The following PCDHGA1 variants were observed in gnomAD, a reference collection of about 807,000 sequenced individuals.
PCDHGA1 encodes protocadherin gamma subfamily A, 1.
In PCDHGA1, 32 loss-of-function variants were observed where a neutral mutation model predicts 58.0. That is an observed-to-expected ratio of 0.55 (90% CI 0.42 to 0.74). The LOEUF is 0.74. Ranked by LOEUF, PCDHGA1 falls within the 30% of genes least tolerant of loss-of-function variation. The pLI is 0.00. For synonymous variants in PCDHGA1, 498 were observed against 501.1 expected, an observed-to-expected ratio of 0.99 and a Z score of 0.08; for missense variants, 1,205 against 1,182.3, an observed-to-expected ratio of 1.02 and a Z score of -0.28.
chr5:141,423,883 A>G, intron 1 of PCDHGA1: 2 of 1,283,462 alleles, frequency 1.6e-6, no homozygotes, highest in Non-Finnish European at 2.0e-6. Context: ...CAATCTTGGC[A>G]TATTTTCTTT....
chr5:141,395,157 C>G, intron 1 of PCDHGA1: 2 of 1,614,174 alleles, frequency 1.2e-6, no homozygotes, highest in Non-Finnish European at 1.7e-6. Context: ...GCTCATCAGT[C>G]AGGAGGGCTG....
chr5:141,404,466 T>C lies in PCDHGA1; in HGVS notation c.2421+71361T>C, dbSNP rs536211455. ...CAAGGGTCTCCTCTCTCCACCTATG[T>C]CTCTATTAACTCAGACACTGGTGTG... On this transcript the variant is annotated intron_variant, in intron 1 of 3. Transcript: ENST00000517417. 28 of 1,613,558 alleles carry C rather than the reference T, an allele frequency of 1.7e-5. No individual in the cohort carries two copies. Among genetic ancestry groups the C allele is most frequent in the East Asian group, 2.2e-5 (1 of 44,882 alleles).
chr5:141,511,144 A>C lies in PCDHGA1; in HGVS notation c.2767A>C (p.Lys923Gln). 2 of 1,614,202 alleles carry C rather than the reference A, an allele frequency of 1.2e-6. No homozygotes were observed. The highest frequency in any genetic ancestry group is 1.7e-6 in the Non-Finnish European group (2 of 1,180,016). The change falls in exon 4 of 4, where the codon AAG becomes CAG. Residue 923 changes from lysine to glutamine, a missense_variant. By Grantham distance (53) the Lys-to-Gln change is moderately conservative. Transcript: ENST00000517417. Reference sequence around the variant, plus strand: ...CCCAGCAGGTGGCAATGGCAACAAGAAGAAGTCGGGCAAGAAGGAGAAGAA... The same window carrying C: ...CCCAGCAGGTGGCAATGGCAACAAGCAGAAGTCGGGCAAGAAGGAGAAGAA... ...KAPAGGNGNK[K>Q]KSGKKEKK
intron 1 of PCDHGA1, chr5:141,355,210 C>T (rs766513071): frequency 1.9e-6 from 3 of 1,599,774 alleles, no homozygotes; most frequent in Non-Finnish European, 2.6e-6. Flanking sequence ...AATGGCGGCG[C>T]CTCCTGCTCG....
chr5:141,488,681 C>G, intron 1 of PCDHGA1, among the ~76,000 whole-genome samples: 1 of 152,204 alleles, frequency 6.6e-6, no homozygotes, highest in East Asian at 1.9e-4. Flanking sequence ...GGCTTTGCCT[C>G]TCCCAGAAGG....
intron 1 of PCDHGA1, chr5:141,360,018 A>T: frequency 3.3e-6 from 4 of 1,225,148 alleles, no homozygotes; most frequent in Non-Finnish European, 4.4e-6. Flanking sequence ...CACACAGAGA[A>T]GGCCAGTATA....
At chr5:141,402,884 T>G in intron 1 of PCDHGA1, 1 of 1,481,582 alleles carries the variant, frequency 6.7e-7, no homozygotes, top group Non-Finnish European at 9.0e-7. Flanking sequence ...CTTTGCAGGG[T>G]GGAAGAAAGA....
chr5:141,495,412 G>A lies in PCDHGA1; in HGVS notation c.2480+547G>A, dbSNP rs188302135. 2.2e-4 allele frequency among the ~76,000 whole-genome samples: 33 copies of A among 152,284 alleles called. No homozygotes were observed. The East Asian group carries it at 6.4e-3, about 29-fold the overall frequency. ...GGCATGGAGCAGGCCCCCTTCTCCG[G>A]CCCCTCCTCCCACTGTCCTCTGCCC... On this transcript the variant is annotated intron_variant, in intron 2 of 3. Coordinates refer to ENST00000517417, the MANE Select transcript of PCDHGA1 (RefSeq NM_018912.3).
intron 1 of PCDHGA1, among the ~76,000 whole-genome samples, chr5:141,492,226 C>T (rs1365682179): frequency 6.6e-6 from 1 of 152,178 alleles, no homozygotes; most frequent in Non-Finnish European, 1.5e-5. Flanking sequence ...CATGCGTGTC[C>T]TCCCTGCTGG....
chr5:141,353,771 T>C, intron 1 of PCDHGA1, among the ~76,000 whole-genome samples: 1 of 152,240 alleles, frequency 6.6e-6, no homozygotes, highest in South Asian at 2.1e-4. Flanking sequence ...TTTTAATGCA[T>C]ACTGTCAAAT....
intron 1 of PCDHGA1, chr5:141,345,556 A>G: frequency 2.5e-6 from 4 of 1,613,938 alleles, no homozygotes; most frequent in East Asian, 2.2e-5. Context: ...GTCTCTATCA[A>G]CTCCAACACT....
intron 1 of PCDHGA1, chr5:141,427,830 C>G (rs749612858): frequency 7.8e-6 from 12 of 1,538,206 alleles, no homozygotes; most frequent in Non-Finnish European, 1.1e-5. Context: ...GGTCGCGCAG[C>G]GTGCCTTCGA....
chr5:141,422,563 G>A, intron 1 of PCDHGA1: 3 of 1,613,986 alleles, frequency 1.9e-6, no homozygotes, highest in African/African-American at 1.3e-5. Flanking sequence ...TGTGGCAGAT[G>A]ACAACGATAA....
chr5:141,509,839 T>C (rs1277859334), intron 3 of PCDHGA1, among the ~76,000 whole-genome samples: 4 of 152,162 alleles, frequency 2.6e-5, no homozygotes, highest in Non-Finnish European at 5.9e-5. Context: ...CTACCTCCCA[T>C]TCACTCAGAA....
Position 141,330,709 on chromosome 5 carries a change from G to GGCT in PCDHGA1, c.28_30dup (p.Cys10dup). 1 of 1,609,110 alleles carries GGCT rather than the reference G, an allele frequency of 6.2e-7. No individual in the cohort carries two copies. The highest frequency in any genetic ancestry group is 8.5e-7 in the Non-Finnish European group (1 of 1,176,260). ...CATGAAGATTCAGAAAAAGCTGACT[G>GGCT]GCTGCAGCAGGCTGATGCTTCTGTG... On this transcript the variant is annotated inframe_insertion, in exon 1 of 4. Transcript: ENST00000517417.
intron 1 of PCDHGA1, chr5:141,392,681 G>A (rs892273174): frequency 9.7e-7 from 1 of 1,026,496 alleles, no homozygotes; most frequent in Non-Finnish European, 1.4e-6. Context: ...CTGGACTGCA[G>A]CGAAACCCGA....
Position 141,485,955 on chromosome 5 carries a change from T to C in PCDHGA1, c.2422-8852T>C. 1 of 1,614,152 alleles carries C rather than the reference T, an allele frequency of 6.2e-7. No homozygotes were observed. Among genetic ancestry groups the C allele is most frequent in the Non-Finnish European group, 8.5e-7 (1 of 1,180,018 alleles). On this transcript the variant is annotated intron_variant, in intron 1 of 3. Transcript: ENST00000517417. This position sits in a 1 kb window ranked among gnomAD's most constrained non-coding sequence, Gnocchi z 5.7. ...GAGAGCGCACCAGCGGGCATGGTGC[T>C]CATCCAGCTCAATGCCTCAGACCCG...
chr5:141,335,843 A>C (rs1261411358), intron 1 of PCDHGA1, among the ~76,000 whole-genome samples: 1 of 152,186 alleles, frequency 6.6e-6, no homozygotes, highest in Non-Finnish European at 1.5e-5. Flanking sequence ...TTACATCTAC[A>C]CCCTTAAATA....
At chr5:141,390,271 C>A in intron 1 of PCDHGA1, 1 of 1,614,036 alleles carries the variant, frequency 6.2e-7, no homozygotes, top group Non-Finnish European at 8.5e-7. Context: ...AGTGAATTGA[C>A]TTCCCATCAG....
Sources: gnomAD v4.1 joint callset for allele counts (sites outside exome capture counted in the v4.1 genomes callset) on GRCh38, gnomAD v4.1.1 for gene constraint, Gnocchi (gnomAD v3.1) non-coding constraint, MANE v1.5 for transcripts, NCBI Gene and HGNC (gene_info 2026-07-23, HGNC 2026-07-21) for gene names.